PPP6R2: variants seen among roughly 807,000 people sequenced by gnomAD.
PPP6R2 encodes the protein protein phosphatase 6 regulatory subunit 2.
A neutral mutation model predicts 100.2 loss-of-function variants in PPP6R2; 62 were observed. The observed-to-expected ratio is 0.62, with a 90% CI of 0.50 to 0.76. The LOEUF (loss-of-function observed/expected upper bound fraction) is 0.76, where lower values mean the gene tolerates loss of function less well. Among genes scored for constraint, PPP6R2 ranks in the 30% least tolerant of loss-of-function variants. The probability of loss-of-function intolerance (pLI) is 0.00; values close to 1 mark genes in which losing one functional copy is unlikely to be tolerated. For synonymous variants in PPP6R2, 525 were observed against 514.7 expected (o/e 1.02, Z -0.27); for missense variants, 1,142 against 1,276.3 (o/e 0.89, Z 1.60).
In PPP6R2 at chr22:50,412,630, C is replaced by CT. The variant is rs398037412; in HGVS notation, c.415-1893dup. 9.9e-3 allele frequency among the ~76,000 whole-genome samples: 790 copies of CT among 79,896 alleles called. 206 individuals carry two copies. The highest frequency in any genetic ancestry group is 0.028 in the East Asian group (59 of 2,088). The allele number at this position is 79,896 out of a possible 152,430, so 52.4% of individuals were successfully genotyped here. A position where few individuals can be genotyped will look rare whatever the true frequency, so the allele number is the denominator to read the frequency against. On this transcript the variant is annotated intron_variant, in intron 4 of 23. Transcript: ENST00000612753. ...TGTTTCTTGTCAGTTTAAATAAGTCCTTTTTTTTTTTTTTTTTTTTTTTTT... is the reference window on the plus strand; with the variant it reads ...TGTTTCTTGTCAGTTTAAATAAGTCCTTTTTTTTTTTTTTTTTTTTTTTTTT...
intron 10 of PPP6R2, among the ~76,000 whole-genome samples, chr22:50,425,162 C>T (rs982295041): frequency 6.6e-6 from 1 of 152,206 alleles, no homozygotes; most frequent in Non-Finnish European, 1.5e-5. Flanking sequence ...CCCATTCATT[C>T]TCCCTCTCCA....
intron 8 of PPP6R2, among the ~76,000 whole-genome samples, 193 bp downstream of exon 8, chr22:50,419,655 A>C (rs1236607073): frequency 1.3e-5 from 2 of 152,164 alleles, no homozygotes; most frequent in Non-Finnish European, 2.9e-5. Flanking sequence ...CCTCATCATC[A>C]CTGGTGCTCC....
chr22:50,435,843 G>A (rs1233409282), intron 13 of PPP6R2, among the ~76,000 whole-genome samples: 5 of 152,210 alleles, frequency 3.3e-5, no homozygotes, highest in Non-Finnish European at 7.4e-5. Flanking sequence ...GGCAGTTTAA[G>A]GAGGCGAGGG....
chr22:50,339,760 T>G (rs1181140938), upstream of PPP6R2, among the ~76,000 whole-genome samples: 26 of 130,996 alleles, frequency 2.0e-4, no homozygotes, highest in African/African-American at 7.4e-4. Flanking sequence ...TGGTGGTGTG[T>G]GGTGTGTGTG....
chr22:50,399,712 C>T (rs1336002945), intron 3 of PPP6R2, among the ~76,000 whole-genome samples: 3 of 152,270 alleles, frequency 2.0e-5, no homozygotes, highest in Non-Finnish European at 4.4e-5. Context: ...GAGGCCCACA[C>T]GCTGCCTCTT....
intron 1 of PPP6R2, among the ~76,000 whole-genome samples, chr22:50,370,365 G>A (rs1328639837): frequency 3.9e-5 from 6 of 152,110 alleles, no homozygotes; most frequent in African/African-American, 7.2e-5. Context: ...TCGGCTCACT[G>A]CAACCTCTGC....
intron 1 of PPP6R2, among the ~76,000 whole-genome samples, chr22:50,367,131 C>T (rs1380226644): frequency 2.0e-5 from 3 of 152,042 alleles, no homozygotes; most frequent in African/African-American, 7.2e-5. Flanking sequence ...AATGCTGACC[C>T]ACTTTCTGGT....
chr22:50,335,678 A>ATTTTTTTTT, the PPP6R2 span, among the ~76,000 whole-genome samples: 5 of 128,940 alleles, frequency 3.9e-5, no homozygotes, highest in African/African-American at 1.3e-4. Flanking sequence ...CACCCAACTA[A>ATTTTTTTTT]TTTTTTTTTT....
intron 13 of PPP6R2, 60 bp downstream of exon 13, chr22:50,435,141 TGCC>T: frequency 7.3e-7 from 1 of 1,369,164 alleles, no homozygotes; most frequent in Non-Finnish European, 9.7e-7. Context: ...CCGAAGGAGC[TGCC>T]GCCTGAGACT....
chr22:50,395,797 G>C (rs959718963), intron 3 of PPP6R2, among the ~76,000 whole-genome samples: 4 of 151,680 alleles, frequency 2.6e-5, no homozygotes, highest in Non-Finnish European at 2.9e-5. Context: ...AGACTCCTGG[G>C]CTCAAGCAAT....
chr22:50,358,858 T>C (rs951049272), intron 1 of PPP6R2, among the ~76,000 whole-genome samples: 18 of 152,028 alleles, frequency 1.2e-4, no homozygotes, highest in Non-Finnish European at 2.1e-4. Flanking sequence ...TATAAATTAA[T>C]TAAACATGTC....
At chr22:50,412,982 C>CA (rs1350619542) in intron 4 of PPP6R2, among the ~76,000 whole-genome samples, 2 of 126,858 alleles carry the variant, frequency 1.6e-5, no homozygotes, top group South Asian at 5.0e-4. Flanking sequence ...TTTTTTGAGA[C>CA]AGAGTTTTGC....
In PPP6R2 at chr22:50,437,886, G is replaced by C; in HGVS notation, c.1825G>C (p.Ala609Pro). The change falls in exon 17 of 24, where the codon GCT becomes CCT. Residue 609 changes from alanine (A) to proline (P), a missense_variant. By Grantham distance (27) the Ala-to-Pro change is conservative. Coordinates refer to ENST00000612753, the MANE Select transcript of PPP6R2 (RefSeq NM_001242898.2). ...RIAEINFNID[A>P]DEDSPSAALF... ...CGCAGAGATCAACTTCAACATCGAC[G>C]CTGACGAGGACAGTGTGAGCAAGCC... 1 of 1,555,598 alleles carries C rather than the reference G, an allele frequency of 6.4e-7. No homozygotes were observed. Among genetic ancestry groups the C allele is most frequent in the Non-Finnish European group, 8.7e-7 (1 of 1,149,440 alleles).
rs563844340 is a variant in PPP6R2 at position 50,438,333 on chromosome 22, C to T, written c.1964+35C>T. ...CTGCCCATCCCCACAAAGCCTCTGC[C>T]GAGGAGGTTCAGCCCCCAGAACACC... On this transcript the variant is annotated intron_variant, in intron 18 of 23. Transcript: ENST00000612753. 1.2e-4 allele frequency: 192 copies of T among 1,593,590 alleles called. 5 individuals carry two copies. In the South Asian group the frequency reaches 2.0e-3, roughly 17 times the overall value.
At chr22:50,394,686 C>T (rs889305688) in intron 3 of PPP6R2, among the ~76,000 whole-genome samples, 10 of 149,922 alleles carry the variant, frequency 6.7e-5, no homozygotes, top group African/African-American at 1.7e-4. Flanking sequence ...GCAGGCAGAT[C>T]GCTAGGTCAG....
chr22:50,386,290 C>G (rs368482671), intron 2 of PPP6R2, among the ~76,000 whole-genome samples: 1 of 151,704 alleles, frequency 6.6e-6, no homozygotes, highest in African/African-American at 2.4e-5. Context: ...TACAGGTGCC[C>G]GCCACCATAC....
chr22:50,346,850 C>T lies in PPP6R2; in HGVS notation c.-148+3300C>T, dbSNP rs369517434. 5.3e-5 allele frequency among the ~76,000 whole-genome samples: 7 copies of T among 131,628 alleles called. No individual in the cohort carries two copies. The South Asian group carries it at 1.1e-3, about 21-fold the overall frequency. The allele number at this position is 131,628 out of a possible 152,430, so 86.4% of individuals were successfully genotyped here. A position where few individuals can be genotyped will look rare whatever the true frequency, so the allele number is the denominator to read the frequency against. The stretch of plus-strand genomic sequence containing the variant: ...GCCCCCCCAGTCAATTATTTTCTTT[C>T]TGTCATGTCCCCACTTCCCATCAGT... On this transcript the variant is annotated intron_variant, in intron 1 of 23. Coordinates refer to ENST00000612753, the MANE Select transcript of PPP6R2 (RefSeq NM_001242898.2).
chr22:50,374,911 CAAAAAAAA>C (rs60035779), intron 2 of PPP6R2, among the ~76,000 whole-genome samples: 6 of 80,986 alleles, frequency 7.4e-5, no homozygotes, highest in African/African-American at 2.3e-4. Context: ...GACTCTGTCT[CAAAAAAAA>C]AAAAAAAAAA....
At chr22:50,340,600 G>GTGGT (rs1555946591), upstream of PPP6R2, among the ~76,000 whole-genome samples, 1 of 147,394 alleles carries the variant, frequency 6.8e-6, no homozygotes, top group African/African-American at 2.6e-5. Context: ...GTGTGTGTGT[G>GTGGT]GTGTGTGGTG....
Sources: allele counts gnomAD v4.1 joint callset (sites outside exome capture counted in the v4.1 genomes callset), GRCh38; gene constraint gnomAD v4.1.1; transcripts MANE v1.5; gene names NCBI Gene and HGNC (gene_info 2026-07-23, HGNC 2026-07-21).